EPRS1: variants seen among roughly 807,000 people sequenced by gnomAD.
EPRS1 encodes bifunctional glutamate/proline--tRNA ligase.
A neutral mutation model predicts 188.3 loss-of-function variants in EPRS1; 107 were observed. The ratio of observed to expected loss-of-function variants is 0.57; its 90% CI spans 0.49 to 0.67. EPRS1 has a LOEUF of 0.67. EPRS1 is among the 30% of genes least tolerant of loss of function. The pLI is 0.00. For missense variants in EPRS1, 1,577 were observed against 1,802.2 expected, an observed-to-expected ratio of 0.88 and a Z score of 2.26; for synonymous variants, 596 against 593.1, an observed-to-expected ratio of 1.00 and a Z score of -0.07.
intron 20 of EPRS1, 37 bp downstream of exon 20, chr1:219,987,105 C>A (rs1291696624): frequency 1.9e-6 from 3 of 1,577,544 alleles, no homozygotes; most frequent in Non-Finnish European, 2.6e-6. Context: ...AATTAATTCA[C>A]TGCTTTGCTT....
At chr1:219,981,277 C>G (rs1330336982) in intron 24 of EPRS1, 101 bp downstream of exon 24, 1 of 660,582 alleles carries the variant, frequency 1.5e-6, no homozygotes, top group Non-Finnish European at 2.5e-6. Flanking sequence ...AAAACAGTTC[C>G]ATACTCCCAA....
chr1:220,031,399 G>T (rs1458834038), intron 5 of EPRS1, among the ~76,000 whole-genome samples: 1 of 152,122 alleles, frequency 6.6e-6, no homozygotes, highest in Non-Finnish European at 1.5e-5. Context: ...TGAGATTATG[G>T]TATTAAACCA....
intron 12 of EPRS1, 129 bp downstream of exon 12, chr1:220,018,320 C>T (rs780860732): frequency 3.1e-6 from 3 of 957,700 alleles, no homozygotes; most frequent in Non-Finnish European, 4.9e-6. Context: ...ATTCCATTTT[C>T]CTGAAAGTCT....
rs754094612 is a variant in EPRS1 at position 219,983,407 on chromosome 1, A to C, written c.3091-9T>G. 59 of 1,598,384 alleles carry C rather than the reference A, an allele frequency of 3.7e-5. No individual in the cohort carries two copies. The Middle Eastern group carries it at 6.6e-4, about 18-fold the overall frequency. On this transcript the variant is annotated splice_polypyrimidine_tract_variant and intron_variant, in intron 21 of 31. Coordinates refer to ENST00000366923, the MANE Select transcript of EPRS1 (RefSeq NM_004446.3). ...TCTGACTTTGTGATGACCTTTTTAA[A>C]AGAAAAATAGTCTTTAAAGCTTACA...
chr1:219,995,453 C>T (rs1030921302), intron 18 of EPRS1, among the ~76,000 whole-genome samples: 2 of 152,140 alleles, frequency 1.3e-5, no homozygotes, highest in African/African-American at 4.8e-5. Context: ...AAAAGGAGTA[C>T]ATATTTAGTG....
intron 2 of EPRS1, among the ~76,000 whole-genome samples, chr1:220,038,082 CTT>C (rs35446521): frequency 7.5e-5 from 10 of 133,892 alleles, no homozygotes; most frequent in Admixed American, 7.7e-5. Context: ...TCAGCTTTAT[CTT>C]TTTTTTTTTT....
At chr1:219,976,781 A>C (rs762006065) in intron 28 of EPRS1, among the ~76,000 whole-genome samples, 5 of 152,174 alleles carry the variant, frequency 3.3e-5, no homozygotes, top group African/African-American at 4.8e-5. Flanking sequence ...TGGAAAGGTA[A>C]TCTGAAGCCA....
At chr1:220,013,802 C>A (rs1044152637) in intron 12 of EPRS1, among the ~76,000 whole-genome samples, 1 of 152,042 alleles carries the variant, frequency 6.6e-6, no homozygotes, top group African/African-American at 2.4e-5. Context: ...TGAAGGCCAG[C>A]AATAGAAACA....
At chr1:219,982,742 A>T (rs1050716882) in intron 23 of EPRS1, 30 bp downstream of exon 23, 2 of 1,581,490 alleles carry the variant, frequency 1.3e-6, no homozygotes, top group Non-Finnish European at 1.7e-6. Flanking sequence ...TTCAGTGAGC[A>T]TTCTCTTGCA....
intron 1 of EPRS1, among the ~76,000 whole-genome samples, chr1:220,046,083 A>G (rs975671348): frequency 6.6e-6 from 1 of 152,158 alleles, no homozygotes; most frequent in African/African-American, 2.4e-5. Flanking sequence ...TCCGAAGCGG[A>G]GTCTCGTGTT....
At chr1:220,006,395 T>A in intron 14 of EPRS1, 82 bp from the exon 15 acceptor site, 1 of 392,176 alleles carries the variant, frequency 2.5e-6, no homozygotes, top group Non-Finnish European at 4.2e-6. Context: ...AATAATTTTA[T>A]ATTATTATAA....
intron 29 of EPRS1, 73 bp from the exon 30 acceptor site, chr1:219,972,220 C>T: frequency 1.0e-6 from 1 of 959,980 alleles, no homozygotes; most frequent in Non-Finnish European, 1.6e-6. Context: ...AACACATAAG[C>T]ACAATTTAAT....
At chr1:219,972,476 C>G (rs908923068) in intron 29 of EPRS1, among the ~76,000 whole-genome samples, 1 of 152,010 alleles carries the variant, frequency 6.6e-6, no homozygotes, top group Non-Finnish European at 1.5e-5. Flanking sequence ...TTTAAACCTC[C>G]CTGGTCTTAA....
chr1:220,003,330 G>A (rs566865017), intron 16 of EPRS1, among the ~76,000 whole-genome samples: 19 of 152,224 alleles, frequency 1.2e-4, no homozygotes, highest in Admixed American at 2.6e-4. Context: ...AGTCCTTTAA[G>A]AGACATATGT....
chr1:219,979,407 A>G lies in EPRS1; in HGVS notation c.3909+11T>C. 2 of 1,591,014 alleles carry G rather than the reference A, an allele frequency of 1.3e-6. No individual in the cohort carries two copies. Among genetic ancestry groups the G allele is most frequent in the Non-Finnish European group, 8.6e-7 (1 of 1,164,804 alleles). On this transcript the variant is annotated intron_variant, in intron 27 of 31. Coordinates refer to ENST00000366923, the MANE Select transcript of EPRS1 (RefSeq NM_004446.3). ...TATAAAATGAGTGATAAACAGGAAT[A>G]TTTTCCTTACCTGAACACATGCTAC...
chr1:220,020,714 CAGA>C (rs1661856976), intron 9 of EPRS1, among the ~76,000 whole-genome samples: 1 of 137,330 alleles, frequency 7.3e-6, no homozygotes, highest in African/African-American at 2.6e-5. Context: ...AAAAAACCGA[CAGA>C]AGACCAGAAA....
intron 28 of EPRS1, among the ~76,000 whole-genome samples, chr1:219,976,032 GC>G (rs1278128173): frequency 6.6e-6 from 1 of 152,116 alleles, no homozygotes; most frequent in African/African-American, 2.4e-5. Flanking sequence ...TACAAGATAA[GC>G]CTACAACATC....
chr1:220,040,439 C>CAA (rs1333830720), intron 1 of EPRS1, among the ~76,000 whole-genome samples, 170 bp from the exon 2 acceptor site: 1 of 152,218 alleles, frequency 6.6e-6, no homozygotes, highest in East Asian at 1.9e-4. Context: ...CTCAGAGCAG[C>CAA]AACAAATCAG....
chr1:219,971,915 AT>A (rs1660675664), intron 30 of EPRS1, among the ~76,000 whole-genome samples, 153 bp downstream of exon 30: 1 of 150,238 alleles, frequency 6.7e-6, no homozygotes, highest in Non-Finnish European at 1.5e-5. Flanking sequence ...TAATTAGATT[AT>A]ATATTTATAC....
Sources: gnomAD v4.1 joint callset for allele counts (sites outside exome capture counted in the v4.1 genomes callset) on GRCh38, gnomAD v4.1.1 for gene constraint, MANE v1.5 for transcripts, NCBI Gene and HGNC (gene_info 2026-07-23, HGNC 2026-07-21) for gene names.